The following NEDD9 variants were observed in gnomAD, a reference collection of about 807,000 sequenced individuals.
NEDD9 encodes neural precursor cell expressed, developmentally down-regulated 9.
Under a neutral mutation model 76.6 loss-of-function variants are expected in NEDD9, and 26 were observed. The observed-to-expected ratio is 0.34, with a 90% confidence interval of 0.25 to 0.47. The LOEUF (loss-of-function observed/expected upper bound fraction) is 0.47. NEDD9 is among the 20% of genes least tolerant of loss of function. The pLI is 1.00. For missense variants in NEDD9, 937 were observed against 1,058.5 expected (o/e 0.89, Z 1.59); for synonymous variants, 392 against 414.2 (o/e 0.95, Z 0.65).
chr6:11,219,531 G>A (rs1284370172), intron 1 of NEDD9, among the ~76,000 whole-genome samples: 1 of 152,242 alleles, frequency 6.6e-6, no homozygotes. Context: ...GGACTCTTGT[G>A]GGTTTGCATG....
chr6:11,375,939 C>T (rs1762962316), intron 1 of NEDD9, among the ~76,000 whole-genome samples: 1 of 152,176 alleles, frequency 6.6e-6, no homozygotes, highest in South Asian at 2.1e-4. Flanking sequence ...ATTCTCCTGC[C>T]TTAGCCTCCT....
intron 1 of NEDD9, among the ~76,000 whole-genome samples, chr6:11,377,763 A>C (rs1762990580): frequency 6.6e-6 from 1 of 152,202 alleles, no homozygotes; most frequent in African/African-American, 2.4e-5. Flanking sequence ...AGATTTGGGA[A>C]GCCAGGGGCA....
intron 1 of NEDD9, among the ~76,000 whole-genome samples, chr6:11,373,939 C>CA (rs1392937023): frequency 6.6e-6 from 1 of 152,176 alleles, no homozygotes; most frequent in Non-Finnish European, 1.5e-5. Context: ...CCTTCGGACT[C>CA]AAGTAGCAAT....
intron 1 of NEDD9, among the ~76,000 whole-genome samples, chr6:11,223,844 C>T (rs113216550): frequency 0.021 from 3,158 of 152,138 alleles, 115 homozygotes; most frequent in African/African-American, 0.072. Context: ...TTGTTATTTA[C>T]AAGTCAATGA....
intron 1 of NEDD9, among the ~76,000 whole-genome samples, chr6:11,225,588 G>A (rs963378439): frequency 6.6e-6 from 1 of 152,052 alleles, no homozygotes; most frequent in Non-Finnish European, 1.5e-5. Flanking sequence ...TGCAAGCTCC[G>A]CCTCCCGGGT....
chr6:11,249,741 G>GT (rs1412303709), intron 3 of NEDD9, among the ~76,000 whole-genome samples: 1 of 152,204 alleles, frequency 6.6e-6, no homozygotes, highest in Admixed American at 6.5e-5. Flanking sequence ...CATGTGCCAG[G>GT]TTTTTTCTGC....
chr6:11,222,799 G>A (rs933369530), intron 1 of NEDD9, among the ~76,000 whole-genome samples: 2 of 152,240 alleles, frequency 1.3e-5, no homozygotes, highest in African/African-American at 4.8e-5. Flanking sequence ...GCCTGTAAGA[G>A]GAAGTTGCTT....
rs74652436 is a variant in NEDD9, at chr6:11,200,693, G to A, written c.460-7001C>T. ...GTATAGTGCTCAAAATGAGATCTAC[G>A]AGGCAGTGAGAATTTCAAACCAAAG... On this transcript the variant is annotated intron_variant, in intron 2 of 6. Coordinates refer to ENST00000379446, the MANE Select transcript of NEDD9 (RefSeq NM_006403.4). 379 of 1,278,278 alleles carry A rather than the reference G, an allele frequency of 3.0e-4. 2 individuals carry two copies. The African/African-American group carries it at 4.3e-3, about 15-fold the overall frequency. 79.2% of individuals were successfully genotyped at this position (1,278,278 alleles called of 1,614,324 possible).
At chr6:11,329,821 T>A (rs1183118233) in intron 2 of NEDD9, among the ~76,000 whole-genome samples, 2 of 151,988 alleles carry the variant, frequency 1.3e-5, no homozygotes, top group Non-Finnish European at 2.9e-5. Flanking sequence ...CTTCTAAACA[T>A]CCTATAATGC....
intron 3 of NEDD9, chr6:11,251,180 A>G (rs1302874430): frequency 1.3e-5 from 2 of 152,214 alleles, no homozygotes; most frequent in Non-Finnish European, 2.9e-5. Flanking sequence ...GTCAATTCAA[A>G]TGTAACCAAT....
At position 11,377,247 on chromosome 6, in the gene NEDD9, G is replaced by C. The variant is rs530080625; in HGVS notation, c.-214+4892C>G. Among the ~76,000 whole-genome samples the C allele has an allele frequency of 5.9e-5, 9 of 152,356 alleles. No homozygotes were observed. In the South Asian group the frequency reaches 1.7e-3, roughly 28 times the overall value. ...GCACTACCTAGTGGAGCTGCGGAAA[G>C]GGGGCTGCCACCCTCTAGAACCCAG... On this transcript the variant is annotated intron_variant, in intron 1 of 3. Coordinates refer to the NEDD9 transcript ENST00000397378.
intron 3 of NEDD9, among the ~76,000 whole-genome samples, chr6:11,249,739 A>G (rs1332906137): frequency 6.6e-6 from 1 of 152,242 alleles, no homozygotes; most frequent in African/African-American, 2.4e-5. Context: ...TACATGTGCC[A>G]GGTTTTTTCT....
chr6:11,224,725 T>G (rs1759253171), intron 1 of NEDD9, among the ~76,000 whole-genome samples: 1 of 152,190 alleles, frequency 6.6e-6, no homozygotes, highest in African/African-American at 2.4e-5. Flanking sequence ...ATTTTCTGTG[T>G]GCTGGCTTTG....
In NEDD9 at chr6:11,213,556, G is replaced by A. The variant is rs1758851579; in HGVS notation, c.184C>T (p.Leu62Phe). 4 of 1,614,192 alleles carry A rather than the reference G, an allele frequency of 2.5e-6. No homozygotes were observed. The highest frequency in any genetic ancestry group is 3.4e-6 in the Non-Finnish European group (4 of 1,180,036). Residue 62 changes from leucine to phenylalanine, a missense_variant, in exon 2 of 7, where the codon CTT becomes TTT. Coordinates refer to ENST00000379446, the MANE Select transcript of NEDD9 (RefSeq NM_006403.4). This position sits in a 1 kb window ranked among gnomAD's most constrained non-coding sequence, Gnocchi z 5.4. ...GTCTCCTGCATGGGACCAATCAGAA[G>A]CTTCACCCGGTTGCCTGGGACAATG... is the stretch of plus-strand genomic sequence containing the variant. ...QGIVPGNRVKLLIGPMQETAS... is the reference protein window; with the variant it reads ...QGIVPGNRVKFLIGPMQETAS...
At chr6:11,298,317 A>G (rs190582865) in intron 3 of NEDD9, among the ~76,000 whole-genome samples, 302 of 152,188 alleles carry the variant, frequency 2.0e-3, no homozygotes, top group Non-Finnish European at 3.5e-3. Context: ...GTGTGTATGA[A>G]AAGTTAAAAT....
chr6:11,275,056 A>T (rs1398953877), intron 3 of NEDD9, among the ~76,000 whole-genome samples: 1 of 152,264 alleles, frequency 6.6e-6, no homozygotes, highest in Non-Finnish European at 1.5e-5. Flanking sequence ...ATAGTAGAAT[A>T]CTACATATCC....
At chr6:11,226,967 A>G (rs1454344562) in intron 1 of NEDD9, among the ~76,000 whole-genome samples, 2 of 152,242 alleles carry the variant, frequency 1.3e-5, no homozygotes, top group Non-Finnish European at 2.9e-5. Context: ...GGGATCTGAA[A>G]CAAAGCCCAT....
chr6:11,237,057 A>C (rs1053374028), upstream of NEDD9, among the ~76,000 whole-genome samples: 2 of 152,026 alleles, frequency 1.3e-5, no homozygotes, highest in Admixed American at 6.6e-5. This position sits in a 1 kb window ranked among gnomAD's most constrained non-coding sequence, Gnocchi z 4.9. Flanking sequence ...TCTGCTGTCA[A>C]GTTTGGCCTC....
At chr6:11,355,717 T>C (rs1478750534) in intron 1 of NEDD9, among the ~76,000 whole-genome samples, 1 of 128,600 alleles carries the variant, frequency 7.8e-6, no homozygotes, top group Non-Finnish European at 1.7e-5. Flanking sequence ...AGCTTTAGGT[T>C]TTTTTTTTTA....
Sources: allele counts gnomAD v4.1 joint callset (sites outside exome capture counted in the v4.1 genomes callset), GRCh38; gene constraint gnomAD v4.1.1; non-coding constraint Gnocchi (gnomAD v3.1); transcripts MANE v1.5; gene names NCBI Gene and HGNC (gene_info 2026-07-23, HGNC 2026-07-21).